CMTM4: variants seen among roughly 807,000 people sequenced by gnomAD.
CMTM4 encodes CKLF-like MARVEL transmembrane domain-containing protein 4.
In CMTM4, 8 loss-of-function variants were observed where a neutral mutation model predicts 19.0. The observed-to-expected ratio is 0.42, with a 90% confidence interval of 0.25 to 0.76. The LOEUF is 0.76. Ranked by LOEUF, CMTM4 falls within the 30% of genes least tolerant of loss-of-function variation. The pLI, the probability that CMTM4 is intolerant of heterozygous loss-of-function variation, is 0.27. For synonymous variants in CMTM4, 106 were observed against 121.1 expected (o/e 0.88, Z 0.82); for missense variants, 228 against 290.2 (o/e 0.79, Z 1.56).
Position 66,629,873 on chromosome 16 carries a change from A to G in CMTM4, c.364-6371T>C, listed in dbSNP as rs556874115. ...TCTGAGTGGAGCTCATTCTGACTCCATAAGGACAGAGGCTCCTGCATCTGA... is the reference window on the plus strand; with the variant it reads ...TCTGAGTGGAGCTCATTCTGACTCCGTAAGGACAGAGGCTCCTGCATCTGA... On this transcript the variant is annotated intron_variant, in intron 2 of 3. Transcript: ENST00000394106. Among the ~76,000 whole-genome samples the G allele has an allele frequency of 2.6e-5, 4 of 152,350 alleles. No individual in the cohort carries two copies. In the South Asian group the frequency reaches 8.3e-4, roughly 32 times the overall value.
chr16:66,599,429 T>C, the CMTM4 span, among the ~76,000 whole-genome samples: 1 of 152,188 alleles, frequency 6.6e-6, no homozygotes, highest in Non-Finnish European at 1.5e-5. Flanking sequence ...AGACACTTTT[T>C]CTTTCTTCTT....
intron 1 of CMTM4, among the ~76,000 whole-genome samples, chr16:66,664,212 T>TG: frequency 6.8e-6 from 1 of 147,916 alleles, no homozygotes; most frequent in Non-Finnish European, 1.5e-5. Flanking sequence ...CCAGCCTGGG[T>TG]GACAGAGTGA....
chr16:66,661,575 G>T (rs1308160644), intron 1 of CMTM4, among the ~76,000 whole-genome samples: 1 of 152,096 alleles, frequency 6.6e-6, no homozygotes, highest in Non-Finnish European at 1.5e-5. Context: ...TTATTAAAAT[G>T]GATCCTTTTA....
chr16:66,600,143 TTTG>T, the CMTM4 span, among the ~76,000 whole-genome samples: 8 of 145,838 alleles, frequency 5.5e-5, no homozygotes, highest in African/African-American at 2.0e-4. Flanking sequence ...TGTGTTTTTT[TTTG>T]TTTTTTTTTT....
rs1176280039 is a variant in CMTM4 at position 66,618,382 on chromosome 16, AAATC to A, written c.*3672_*3675del. The stretch of plus-strand genomic sequence containing the variant: ...CACAGATGAGACAATAGGAACCCTT[AAATC>A]ATCACTGCCTTGCAGAATCACTAAA... On this transcript the variant is annotated 3_prime_UTR_variant, in exon 4 of 4. Coordinates refer to ENST00000394106, the MANE Select transcript of CMTM4 (RefSeq NM_181521.3). 2 of 985,350 alleles carry A rather than the reference AAATC, an allele frequency of 2.0e-6. No homozygotes were observed. The highest frequency in any genetic ancestry group is 1.2e-6 in the Non-Finnish European group (1 of 829,944). The allele number at this position is 985,350 out of a possible 1,614,324, so 61.0% of individuals were successfully genotyped here. A position where few individuals can be genotyped will look rare whatever the true frequency, so the allele number is the denominator to read the frequency against.
At chr16:66,694,383 C>T (rs572478329) in intron 1 of CMTM4, among the ~76,000 whole-genome samples, 105 of 152,222 alleles carry the variant, frequency 6.9e-4, no homozygotes, top group Non-Finnish European at 7.5e-4. Context: ...GCTGGCACCC[C>T]ATACTCAAAC....
Position 66,628,283 on chromosome 16 carries a change from A to C in CMTM4, c.364-4781T>G, listed in dbSNP as rs8058365. Reference sequence around the variant, plus strand: ...CTGCAAGAGGCCTTCCTCTTTTACTAATCCTCCTCAGCACAGACCCTTTAC... The same window carrying C: ...CTGCAAGAGGCCTTCCTCTTTTACTCATCCTCCTCAGCACAGACCCTTTAC... On this transcript the variant is annotated intron_variant, in intron 2 of 3. Transcript: ENST00000394106. 7.3e-3 allele frequency among the ~76,000 whole-genome samples: 1,118 copies of C among 152,248 alleles called. 11 individuals are homozygous for C. The highest frequency in any genetic ancestry group is 0.025 in the African/African-American group (1,040 of 41,538).
intron 1 of CMTM4, among the ~76,000 whole-genome samples, chr16:66,665,850 C>T (rs1244784208): frequency 6.6e-6 from 1 of 151,794 alleles, no homozygotes; most frequent in African/African-American, 2.4e-5. Flanking sequence ...AGGTGGATCA[C>T]TTGAGGTTAG....
At chr16:66,654,200 C>T (rs355959) in intron 1 of CMTM4, among the ~76,000 whole-genome samples, 14,265 of 152,122 alleles carry the variant, frequency 0.094, 936 homozygotes, top group East Asian at 0.27. Context: ...AATCCCCATC[C>T]TATTGACAAG....
At chr16:66,640,655 G>A (rs1240218639) in intron 1 of CMTM4, among the ~76,000 whole-genome samples, 1 of 152,212 alleles carries the variant, frequency 6.6e-6, no homozygotes, top group African/African-American at 2.4e-5. Flanking sequence ...CAGGAGGAGA[G>A]TGACAAGACC....
intron 2 of CMTM4, among the ~76,000 whole-genome samples, chr16:66,635,664 T>C (rs2015977701): frequency 6.6e-6 from 1 of 152,210 alleles, no homozygotes; most frequent in African/African-American, 2.4e-5. Flanking sequence ...GGCACAGCAG[T>C]GTGAGGCAGC....
intron 1 of CMTM4, among the ~76,000 whole-genome samples, chr16:66,655,553 ATG>A (rs879873189): frequency 1.0e-3 from 154 of 149,674 alleles, no homozygotes; most frequent in African/African-American, 2.2e-3. Flanking sequence ...GTGTTTATTT[ATG>A]TGTGTGTGTG....
At chr16:66,683,290 T>TC (rs2016974731) in intron 1 of CMTM4, among the ~76,000 whole-genome samples, 2 of 120,496 alleles carry the variant, frequency 1.7e-5, no homozygotes, top group Admixed American at 8.3e-5. Flanking sequence ...TCTTTTCTTT[T>TC]TTTTTTTTTT....
At position 66,660,387 on chromosome 16, in the gene CMTM4, C is replaced by CAAAAAAA. The variant is rs34266604; in HGVS notation, c.187-23813_187-23807dup. Among the ~76,000 whole-genome samples the CAAAAAAA allele has an allele frequency of 4.7e-5, 4 of 84,516 alleles. 1 individual carries two copies. Among genetic ancestry groups the CAAAAAAA allele is most frequent in the Non-Finnish European group, 7.0e-5 (3 of 42,664 alleles). The allele number at this position is 84,516 out of a possible 152,430, so 55.4% of individuals were successfully genotyped here. A position where few individuals can be genotyped will look rare whatever the true frequency, so the allele number is the denominator to read the frequency against. On this transcript the variant is annotated intron_variant, in intron 1 of 3. Coordinates refer to ENST00000394106, the MANE Select transcript of CMTM4 (RefSeq NM_181521.3). Reference sequence around the variant, plus strand: ...TGGACAATAGGGTGAGATCCTGTCTCAAAAAAAAAAAAAAAAAAACAAAAC... The same window carrying CAAAAAAA: ...TGGACAATAGGGTGAGATCCTGTCTCAAAAAAAAAAAAAAAAAAAAAAAAAACAAAAC...
At chr16:66,646,278 G>T (rs189031337) in intron 1 of CMTM4, among the ~76,000 whole-genome samples, 2 of 152,242 alleles carry the variant, frequency 1.3e-5, no homozygotes, top group African/African-American at 4.8e-5. Flanking sequence ...ATTAGGTGGG[G>T]AACAGGGGAA....
At chr16:66,693,221 A>AGC (rs2017169392) in intron 1 of CMTM4, among the ~76,000 whole-genome samples, 1 of 150,780 alleles carries the variant, frequency 6.6e-6, no homozygotes, top group African/African-American at 2.4e-5. Flanking sequence ...CAAAAGTCTA[A>AGC]CACAAAGAAA....
intron 1 of CMTM4, among the ~76,000 whole-genome samples, chr16:66,661,189 G>A (rs960943292): frequency 2.6e-5 from 4 of 152,072 alleles, no homozygotes; most frequent in Non-Finnish European, 5.9e-5. Flanking sequence ...TGCCACATCT[G>A]TGAATAAGAG....
chr16:66,691,104 C>T (rs914006412), intron 1 of CMTM4, among the ~76,000 whole-genome samples: 9 of 151,878 alleles, frequency 5.9e-5, no homozygotes, highest in Non-Finnish European at 1.0e-4. Context: ...AGTGACAGAA[C>T]AAAAATCTGT....
At position 66,696,638 on chromosome 16, in the gene CMTM4, A is replaced by ACTGCCCGCGGC. The variant is rs1283455055; in HGVS notation, c.-124_-114dup. On this transcript the variant is annotated 5_prime_UTR_variant, in exon 1 of 4. Coordinates refer to ENST00000394106, the MANE Select transcript of CMTM4 (RefSeq NM_181521.3). The surrounding 1 kb of genome is among the most constrained non-coding windows in gnomAD (Gnocchi z 4.3). Reference sequence around the variant, plus strand: ...CGCCGCCGCCGCCGCCGCCCGACTGACTGCCCGCGGCCCGCCCGCCGCCGC... The same window carrying ACTGCCCGCGGC: ...CGCCGCCGCCGCCGCCGCCCGACTGACTGCCCGCGGCCTGCCCGCGGCCCGCCCGCCGCCGC... 3 of 555,236 alleles carry ACTGCCCGCGGC rather than the reference A, an allele frequency of 5.4e-6. No individual in the cohort carries two copies. Among genetic ancestry groups the ACTGCCCGCGGC allele is most frequent in the Admixed American group, 6.6e-5 (1 of 15,072 alleles). The allele number at this position is 555,236 out of a possible 1,614,324, so 34.4% of individuals were successfully genotyped here. A position where few individuals can be genotyped will look rare whatever the true frequency, so the allele number is the denominator to read the frequency against.
Sources: allele counts gnomAD v4.1 joint callset (sites outside exome capture counted in the v4.1 genomes callset), GRCh38; gene constraint gnomAD v4.1.1; non-coding constraint Gnocchi (gnomAD v3.1); transcripts MANE v1.5; gene names NCBI Gene and HGNC (gene_info 2026-07-23, HGNC 2026-07-21).